PDZRN3: variants seen among roughly 807,000 people sequenced by gnomAD.
The protein encoded by PDZRN3 is E3 ubiquitin-protein ligase PDZRN3.
Under a neutral mutation model 85.7 loss-of-function variants are expected in PDZRN3, and 38 were observed. The observed-to-expected ratio is 0.44, with a 90% CI of 0.34 to 0.58. PDZRN3 has a LOEUF of 0.58. Among genes scored for constraint, PDZRN3 ranks in the 20% least tolerant of loss-of-function variants. PDZRN3 has a pLI of 0.01. For missense variants in PDZRN3, 1,629 were observed against 1,506.4 expected, an observed-to-expected ratio of 1.08 and a Z score of -1.35; for synonymous variants, 759 against 638.0, an observed-to-expected ratio of 1.19 and a Z score of -2.86.
chr3:73,550,368 G>C (rs773766735), intron 3 of PDZRN3, among the ~76,000 whole-genome samples: 6 of 152,172 alleles, frequency 3.9e-5, no homozygotes, highest in Non-Finnish European at 8.8e-5. Context: ...CTAAGGCACT[G>C]GTTCTCAATC....
At chr3:73,536,168 G>C (rs1451112016) in intron 3 of PDZRN3, among the ~76,000 whole-genome samples, 1 of 152,168 alleles carries the variant, frequency 6.6e-6, no homozygotes, top group Admixed American at 6.5e-5. Context: ...TTTCTAATAG[G>C]TCTTGGCATC....
At chr3:73,499,285 G>A (rs939788777) in intron 3 of PDZRN3, among the ~76,000 whole-genome samples, 32 of 152,148 alleles carry the variant, frequency 2.1e-4, no homozygotes, top group African/African-American at 7.5e-4. Flanking sequence ...TTTGTAATCC[G>A]TATAGTGTGA....
chr3:73,573,834 CATATA>C (rs1702079584), intron 3 of PDZRN3, among the ~76,000 whole-genome samples: 1 of 151,604 alleles, frequency 6.6e-6, no homozygotes, highest in Admixed American at 6.6e-5. Context: ...TATACATATA[CATATA>C]CATATACATA....
intron 5 of PDZRN3, among the ~76,000 whole-genome samples, chr3:73,392,080 G>T (rs1419613071): frequency 6.6e-6 from 1 of 152,238 alleles, no homozygotes; most frequent in African/African-American, 2.4e-5. Flanking sequence ...AGCTGTCTAT[G>T]CGGAGAAGCT....
intron 3 of PDZRN3, among the ~76,000 whole-genome samples, chr3:73,536,268 A>G (rs1231278344): frequency 2.0e-5 from 3 of 152,244 alleles, no homozygotes; most frequent in Non-Finnish European, 4.4e-5. Flanking sequence ...ATCAAGAATG[A>G]GCATTCTGAT....
chr3:73,416,897 T>G (rs1266446376), intron 3 of PDZRN3, among the ~76,000 whole-genome samples: 3 of 145,634 alleles, frequency 2.1e-5, no homozygotes, highest in African/African-American at 5.1e-5. Flanking sequence ...TTTTTTTTTT[T>G]TTTTTTTTTT....
intron 3 of PDZRN3, among the ~76,000 whole-genome samples, chr3:73,536,991 T>C (rs978063970): frequency 4.6e-5 from 7 of 152,182 alleles, no homozygotes; most frequent in African/African-American, 1.7e-4. Flanking sequence ...AGAGTCCCAG[T>C]TGCCATGACC....
intron 1 of PDZRN3, among the ~76,000 whole-genome samples, chr3:73,610,322 G>A (rs907858956): frequency 6.6e-6 from 1 of 152,170 alleles, no homozygotes; most frequent in Non-Finnish European, 1.5e-5. Context: ...AAACAGCAGA[G>A]CCTCTTTAAT....
intron 3 of PDZRN3, among the ~76,000 whole-genome samples, chr3:73,534,931 C>T (rs1317819909): frequency 6.6e-6 from 1 of 152,084 alleles, no homozygotes; most frequent in East Asian, 1.9e-4. Context: ...TTATTTATTG[C>T]TCAGTCTATT....
At chr3:73,605,651 CA>C (rs1475966134) in intron 2 of PDZRN3, among the ~76,000 whole-genome samples, 1 of 152,200 alleles carries the variant, frequency 6.6e-6, no homozygotes, top group East Asian at 1.9e-4. Context: ...TAGTAACTAA[CA>C]ACGTGTGTGC....
At chr3:73,474,572 C>T in intron 3 of PDZRN3, 2 of 1,282,200 alleles carry the variant, frequency 1.6e-6, no homozygotes, top group Non-Finnish European at 2.0e-6. Flanking sequence ...AGGCAGCCTG[C>T]AGGTCCGCAG....
At chr3:73,394,285 A>G (rs768589960) in intron 5 of PDZRN3, among the ~76,000 whole-genome samples, 11 of 152,208 alleles carry the variant, frequency 7.2e-5, no homozygotes, top group Admixed American at 3.9e-4. Flanking sequence ...AGAGGGTCCA[A>G]TTAATAGTTC....
intron 3 of PDZRN3, among the ~76,000 whole-genome samples, chr3:73,565,742 G>A (rs1401679397): frequency 4.0e-5 from 6 of 150,956 alleles, no homozygotes; most frequent in Non-Finnish European, 5.9e-5. Context: ...GTTCGAGACC[G>A]GCCTGGCCAA....
At chr3:73,597,824 G>A (rs1047665176) in intron 3 of PDZRN3, among the ~76,000 whole-genome samples, 4 of 151,600 alleles carry the variant, frequency 2.6e-5, no homozygotes, top group African/African-American at 9.7e-5. Context: ...TTTCTTAGTA[G>A]GCCTCAGTTT....
intron 3 of PDZRN3, among the ~76,000 whole-genome samples, chr3:73,465,427 G>A (rs1253646745): frequency 6.6e-6 from 1 of 152,154 alleles, no homozygotes; most frequent in Non-Finnish European, 1.5e-5. Flanking sequence ...TGAGCTACCT[G>A]TTTCCAGCCT....
intron 3 of PDZRN3, among the ~76,000 whole-genome samples, chr3:73,431,064 C>T (rs936315805): frequency 2.6e-5 from 4 of 152,206 alleles, no homozygotes; most frequent in Non-Finnish European, 5.9e-5. Context: ...CTATACTTGT[C>T]TGACCTGACC....
At chr3:73,614,641 G>C (rs764079803) in intron 1 of PDZRN3, among the ~76,000 whole-genome samples, 21 of 152,114 alleles carry the variant, frequency 1.4e-4, no homozygotes, top group Non-Finnish European at 2.2e-4. Context: ...CACACAGCTG[G>C]GAAACAGCTC....
At chr3:73,599,131 T>C (rs1702473760) in intron 3 of PDZRN3, among the ~76,000 whole-genome samples, 1 of 152,188 alleles carries the variant, frequency 6.6e-6, no homozygotes, top group African/African-American at 2.4e-5. Flanking sequence ...AGTTTAAACA[T>C]ACACACATTG....
chr3:73,557,295 T>G (rs1701719619), intron 3 of PDZRN3, among the ~76,000 whole-genome samples: 1 of 152,238 alleles, frequency 6.6e-6, no homozygotes, highest in African/African-American at 2.4e-5. Context: ...ACAAGTATTC[T>G]TTATAAGACC....
Sources: allele counts gnomAD v4.1 joint callset (sites outside exome capture counted in the v4.1 genomes callset), GRCh38; gene constraint gnomAD v4.1.1; transcripts MANE v1.5; gene names NCBI Gene and HGNC (gene_info 2026-07-23, HGNC 2026-07-21).